PEX14: variants seen among roughly 807,000 people sequenced by gnomAD.
PEX14 encodes peroxisomal biogenesis factor 14.
A neutral mutation model predicts 49.5 loss-of-function variants in PEX14; 15 were observed. The ratio of observed to expected loss-of-function variants is 0.30; its 90% CI spans 0.20 to 0.47. The LOEUF (loss-of-function observed/expected upper bound fraction) is 0.47. PEX14 is among the 20% of genes least tolerant of loss of function. PEX14 has a pLI of 1.00. For missense variants in PEX14, 398 were observed against 494.8 expected (o/e 0.80, Z 1.86); for synonymous variants, 210 against 212.7 (o/e 0.99, Z 0.11).
intron 3 of PEX14, among the ~76,000 whole-genome samples, chr1:10,590,272 CCTG>C (rs1408245785): frequency 6.6e-6 from 1 of 152,216 alleles, no homozygotes; most frequent in Non-Finnish European, 1.5e-5. Context: ...CCTCGGCAGG[CCTG>C]CACAGGGTTA....
rs755785312 is a variant in PEX14, at chr1:10,536,181, A to G, written c.85-32A>G. On this transcript the variant is annotated intron_variant, in intron 2 of 8. Coordinates refer to ENST00000356607, the MANE Select transcript of PEX14 (RefSeq NM_004565.3). ...CTTGAAATTCAGACTATTGAAGTGAAGTTTACTCCTCTATTTTCTCTCTCT... is the reference window on the plus strand; with the variant it reads ...CTTGAAATTCAGACTATTGAAGTGAGGTTTACTCCTCTATTTTCTCTCTCT... 12 of 1,291,054 alleles carry G rather than the reference A, an allele frequency of 9.3e-6. No homozygotes were observed. In the South Asian group the frequency reaches 1.4e-4, roughly 15 times the overall value. The allele number at this position is 1,291,054 out of a possible 1,614,324, so 80.0% of individuals were successfully genotyped here. A position where few individuals can be genotyped will look rare whatever the true frequency, so the allele number is the denominator to read the frequency against.
intron 1 of PEX14, among the ~76,000 whole-genome samples, chr1:10,493,628 A>G (rs894389523): frequency 6.6e-6 from 1 of 152,080 alleles, no homozygotes. Context: ...AGGATTTGCC[A>G]TGTTGCCCAG....
intron 4 of PEX14, among the ~76,000 whole-genome samples, chr1:10,603,328 A>G (rs1641038409): frequency 6.6e-6 from 1 of 152,230 alleles, no homozygotes; most frequent in African/African-American, 2.4e-5. Context: ...AGAAAAGGAT[A>G]ATAATATAAG....
chr1:10,535,655 A>G (rs1356677780), intron 2 of PEX14, among the ~76,000 whole-genome samples: 1 of 152,180 alleles, frequency 6.6e-6, no homozygotes, highest in Non-Finnish European at 1.5e-5. Context: ...CTTCAATTAT[A>G]TGGTACACAG....
chr1:10,570,848 G>GTTT lies in PEX14; in HGVS notation c.170-28375_170-28373dup, dbSNP rs70997255. ...TTTCTTTAGAGAAAATGTCAACAGG[G>GTTT]TTTTTTTTTTTTTTTTTGAGATGGT... On this transcript the variant is annotated intron_variant, in intron 3 of 8. Coordinates refer to ENST00000356607, the MANE Select transcript of PEX14 (RefSeq NM_004565.3). 5.3e-5 allele frequency among the ~76,000 whole-genome samples: 6 copies of GTTT among 113,910 alleles called. 1 individual carries two copies. Among genetic ancestry groups the GTTT allele is most frequent in the Non-Finnish European group, 8.7e-5 (5 of 57,366 alleles). The allele number at this position is 113,910 out of a possible 152,430, so 74.7% of individuals were successfully genotyped here.
At chr1:10,587,986 G>A (rs1234466701) in intron 3 of PEX14, among the ~76,000 whole-genome samples, 1 of 148,146 alleles carries the variant, frequency 6.8e-6, no homozygotes, top group East Asian at 2.0e-4. Context: ...AGCACTTTGG[G>A]AGGCCGAGCG....
intron 3 of PEX14, among the ~76,000 whole-genome samples, chr1:10,592,372 TTC>T (rs1477835012): frequency 6.6e-6 from 1 of 152,138 alleles, no homozygotes; most frequent in African/African-American, 2.4e-5. Context: ...CAAAAATAAC[TTC>T]TCTTTGTTTT....
chr1:10,486,921 C>T (rs1045453951), intron 1 of PEX14, among the ~76,000 whole-genome samples: 1 of 151,800 alleles, frequency 6.6e-6, no homozygotes, highest in Non-Finnish European at 1.5e-5. Context: ...ACTCCTGACC[C>T]TGTGATCTGC....
intron 3 of PEX14, among the ~76,000 whole-genome samples, chr1:10,558,444 TAC>T (rs1639557461): frequency 6.6e-6 from 1 of 152,024 alleles, no homozygotes; most frequent in Non-Finnish European, 1.5e-5. Flanking sequence ...ACATAGAAAT[TAC>T]TTTGGAAGCT....
intron 3 of PEX14, among the ~76,000 whole-genome samples, chr1:10,540,530 G>A (rs1296983927): frequency 6.8e-6 from 1 of 146,784 alleles, no homozygotes; most frequent in Non-Finnish European, 1.5e-5. Context: ...CCAGGTTATC[G>A]ACTGGACAGC....
At chr1:10,627,701 C>T (rs1641791475) in intron 8 of PEX14, among the ~76,000 whole-genome samples, 1 of 152,238 alleles carries the variant, frequency 6.6e-6, no homozygotes, top group Admixed American at 6.5e-5. Context: ...CTCCAGGTGA[C>T]CACTCAGTGA....
chr1:10,575,909 A>T (rs1345390132), intron 3 of PEX14, among the ~76,000 whole-genome samples: 1 of 152,206 alleles, frequency 6.6e-6, no homozygotes, highest in Admixed American at 6.5e-5. Context: ...TACCTGTCTC[A>T]ATATGCTACT....
At chr1:10,479,992 G>T (rs1205052396) in intron 1 of PEX14, among the ~76,000 whole-genome samples, 3 of 152,082 alleles carry the variant, frequency 2.0e-5, no homozygotes, top group Non-Finnish European at 4.4e-5. Context: ...CTGGGCAACA[G>T]AGTGCAACCC....
chr1:10,545,904 G>C (rs1480624374), intron 3 of PEX14, among the ~76,000 whole-genome samples: 2 of 152,136 alleles, frequency 1.3e-5, no homozygotes, highest in African/African-American at 4.8e-5. Context: ...AATTAGCTGG[G>C]CGTGGTGGCG....
In PEX14 at chr1:10,512,801, C is replaced by T. The variant is rs1247027747; in HGVS notation, c.84+17480C>T. 6.6e-6 allele frequency among the ~76,000 whole-genome samples: 1 copy of T among 152,034 alleles called. No homozygotes were observed. Among genetic ancestry groups the T allele is most frequent in the Non-Finnish European group, 1.5e-5 (1 of 68,000 alleles). On this transcript the variant is annotated intron_variant, in intron 2 of 8. Transcript: ENST00000356607. The surrounding 1 kb of genome is among the most constrained non-coding windows in gnomAD (Gnocchi z 4.6). ...GCAACCTCCGCCTCACGGGTTCAAG[C>T]GATTCCCTGCCTCAGCCTCCTGAGT...
intron 2 of PEX14, among the ~76,000 whole-genome samples, chr1:10,498,532 A>G (rs1641610293): frequency 6.6e-6 from 1 of 152,234 alleles, no homozygotes; most frequent in East Asian, 1.9e-4. Flanking sequence ...TCTAAACGAC[A>G]CATTCGTGTT....
intron 3 of PEX14, among the ~76,000 whole-genome samples, chr1:10,588,215 G>A (rs1308170315): frequency 3.4e-5 from 5 of 148,640 alleles, no homozygotes; most frequent in Non-Finnish European, 7.4e-5. Flanking sequence ...GCGAGACTCC[G>A]TCTCAAAAAA....
chr1:10,549,454 A>G (rs1410836610), intron 3 of PEX14, among the ~76,000 whole-genome samples: 1 of 152,228 alleles, frequency 6.6e-6, no homozygotes, highest in Admixed American at 6.5e-5. Flanking sequence ...TTACGTGAAG[A>G]TAATTTGCAC....
At chr1:10,489,498 G>A (rs1005631178) in intron 1 of PEX14, among the ~76,000 whole-genome samples, 1 of 152,160 alleles carries the variant, frequency 6.6e-6, no homozygotes, top group African/African-American at 2.4e-5. Flanking sequence ...TCTCCTGAAT[G>A]CCCTGTGAGG....
Sources: allele counts gnomAD v4.1 joint callset (sites outside exome capture counted in the v4.1 genomes callset), GRCh38; gene constraint gnomAD v4.1.1; non-coding constraint Gnocchi (gnomAD v3.1); transcripts MANE v1.5; gene names NCBI Gene and HGNC (gene_info 2026-07-23, HGNC 2026-07-21).